KDM2A: variants seen among roughly 807,000 people sequenced by gnomAD.
KDM2A encodes the protein lysine demethylase 2A.
A neutral mutation model predicts 137.3 loss-of-function variants in KDM2A; 3 were observed. The ratio of observed to expected loss-of-function variants is 0.02; its 90% confidence interval spans 0.01 to 0.06. The LOEUF (loss-of-function observed/expected upper bound fraction) is 0.06, where lower values mean the gene tolerates loss of function less well. KDM2A is among the 10% of genes least tolerant of loss of function. The probability of loss-of-function intolerance (pLI) is 1.00; values close to 1 mark genes in which losing one functional copy is unlikely to be tolerated. For missense variants in KDM2A, 738 were observed against 1,510.6 expected (o/e 0.49, Z 8.48); for synonymous variants, 512 against 541.5 (o/e 0.95, Z 0.76).
intron 2 of KDM2A, among the ~76,000 whole-genome samples, chr11:67,144,166 A>G (rs1056208255): frequency 3.3e-5 from 5 of 151,528 alleles, no homozygotes; most frequent in Non-Finnish European, 5.9e-5. Flanking sequence ...GCTGGTCTCA[A>G]ACTCCTGATG....
At position 67,256,834 on chromosome 11, in the gene KDM2A, T is replaced by A. The variant is rs1859630869; in HGVS notation, c.*1779T>A. The stretch of plus-strand genomic sequence containing the variant: ...TTTGTTTCTTCCAATCTGCTGAATC[T>A]TTTGACTGCACCTTACAAACAGCAG... On this transcript the variant is annotated 3_prime_UTR_variant, in exon 21 of 21. Transcript: ENST00000529006. 6.5e-6 allele frequency: 1 copy of A among 152,812 alleles called. No homozygotes were observed. Among genetic ancestry groups the A allele is most frequent in the South Asian group, 2.1e-4 (1 of 4,828 alleles). 9.5% of individuals were successfully genotyped at this position (152,812 alleles called of 1,614,324 possible).
Position 67,245,031 on chromosome 11 carries a change from G to T in KDM2A, c.1564-158G>T. 1.0e-5 allele frequency: 7 copies of T among 697,762 alleles called. No homozygotes were observed. The highest frequency in any genetic ancestry group is 1.8e-5 in the South Asian group (1 of 56,018). The allele number at this position is 697,762 out of a possible 1,614,324, so 43.2% of individuals were successfully genotyped here. A position where few individuals can be genotyped will look rare whatever the true frequency, so the allele number is the denominator to read the frequency against. On this transcript the variant is annotated intron_variant, in intron 13 of 20. Transcript: ENST00000529006. This position sits in a 1 kb window ranked among gnomAD's most constrained non-coding sequence, Gnocchi z 4.1. The stretch of plus-strand genomic sequence containing the variant: ...GCCATTGATAATACATACACAAGAT[G>T]AGTTGTGTGTCAATAAAATTTATTC...
chr11:67,199,996 G>T (rs1264940287), intron 5 of KDM2A, among the ~76,000 whole-genome samples: 2 of 152,114 alleles, frequency 1.3e-5, no homozygotes, highest in African/African-American at 4.8e-5. Context: ...AAATCCTAGG[G>T]CCCTTAAGAA....
rs909061908 is a variant in KDM2A at position 67,254,231 on chromosome 11, C to T, written c.3120C>T (p.Asn1040=). The change falls in exon 20 of 21, where the codon AAC becomes AAT. Residue 1040 remains asparagine, a synonymous_variant. Transcript: ENST00000529006. This position sits in a 1 kb window ranked among gnomAD's most constrained non-coding sequence, Gnocchi z 4.7. ...PGQDNRSKLR[N]MTDFRLAGLD... is the part of the protein sequence containing the mutation. ...AGGACAATCGCAGCAAGCTCCGGAA[C>T]ATGACCGACTTCCGGCTGGCAGGCC... 6.2e-7 allele frequency: 1 copy of T among 1,613,916 alleles called. No homozygotes were observed. The highest frequency in any genetic ancestry group is 8.5e-7 in the Non-Finnish European group (1 of 1,179,902).
At position 67,202,775 on chromosome 11, in the gene KDM2A, C is replaced by CA. The variant is rs891639478; in HGVS notation, c.308-4723dup. Reference sequence around the variant, plus strand: ...TGGGCGACAGAGCGAGACTTCGTCTCAAAAAAAAAAAAGAAAAGAAATTGT... The same window carrying CA: ...TGGGCGACAGAGCGAGACTTCGTCTCAAAAAAAAAAAAAGAAAAGAAATTGT... On this transcript the variant is annotated intron_variant, in intron 5 of 20. Transcript: ENST00000529006. Among the ~76,000 whole-genome samples, 1,237 of 128,528 alleles carry CA rather than the reference C, an allele frequency of 9.6e-3. 3 individuals carry two copies. The highest frequency in any genetic ancestry group is 0.028 in the African/African-American group (972 of 35,054). The allele number at this position is 128,528 out of a possible 152,430, so 84.3% of individuals were successfully genotyped here.
chr11:67,212,293 G>A (rs1213580304), intron 6 of KDM2A, among the ~76,000 whole-genome samples: 1 of 152,114 alleles, frequency 6.6e-6, no homozygotes, highest in Non-Finnish European at 1.5e-5. Flanking sequence ...CCAGAATTAC[G>A]GGCAGAAGGA....
intron 12 of KDM2A, among the ~76,000 whole-genome samples, chr11:67,239,731 G>A (rs1178215585): frequency 6.6e-6 from 1 of 152,242 alleles, no homozygotes; most frequent in Non-Finnish European, 1.5e-5. Flanking sequence ...GGTGTGGACT[G>A]AAACAAGGAC....
At chr11:67,196,728 G>A (rs960842914) in intron 5 of KDM2A, 6 of 292,518 alleles carry the variant, frequency 2.1e-5, no homozygotes, top group African/African-American at 1.1e-4. Context: ...GGGCAATGGG[G>A]ACTTAAAACG....
chr11:67,178,490 G>C (rs184874278), intron 2 of KDM2A, among the ~76,000 whole-genome samples: 4 of 152,240 alleles, frequency 2.6e-5, no homozygotes, highest in South Asian at 4.1e-4. Context: ...TCTAATTCCA[G>C]AACATTTTCA....
intron 2 of KDM2A, among the ~76,000 whole-genome samples, chr11:67,150,115 C>A (rs906093675): frequency 1.3e-5 from 2 of 152,148 alleles, no homozygotes; most frequent in Non-Finnish European, 2.9e-5. Context: ...TTACAGAATT[C>A]TTTACAACCC....
chr11:67,242,356 T>C (rs1286367243), intron 12 of KDM2A, among the ~76,000 whole-genome samples: 5 of 152,026 alleles, frequency 3.3e-5, no homozygotes, highest in Non-Finnish European at 7.4e-5. Context: ...GTAATCAGCC[T>C]TAGAAGAAAA....
chr11:67,160,639 C>T (rs1405677954), intron 2 of KDM2A, among the ~76,000 whole-genome samples: 8 of 152,078 alleles, frequency 5.3e-5, no homozygotes, highest in Non-Finnish European at 1.0e-4. Context: ...GGTGTAGTGG[C>T]GCATACCTAT....
chr11:67,212,661 T>C (rs1378232916), intron 6 of KDM2A, among the ~76,000 whole-genome samples: 2 of 152,028 alleles, frequency 1.3e-5, no homozygotes, highest in Non-Finnish European at 2.9e-5. Context: ...AGCACGAACA[T>C]GTTACCACAA....
intron 12 of KDM2A, 69 bp downstream of exon 12, chr11:67,232,029 G>A: frequency 6.8e-7 from 1 of 1,472,008 alleles, no homozygotes; most frequent in Non-Finnish European, 9.1e-7. Flanking sequence ...GATTCAGAGG[G>A]AGAAAATATA....
At chr11:67,142,567 G>C (rs1409571214) in intron 2 of KDM2A, among the ~76,000 whole-genome samples, 1 of 121,078 alleles carries the variant, frequency 8.3e-6, no homozygotes, top group African/African-American at 3.0e-5. Flanking sequence ...GGGGGTTGGG[G>C]TTGGGGTTGG....
intron 5 of KDM2A, among the ~76,000 whole-genome samples, chr11:67,187,533 AATTT>A (rs1169183234): frequency 2.0e-5 from 3 of 150,580 alleles, no homozygotes; most frequent in African/African-American, 2.5e-5. Context: ...GACATTTATT[AATTT>A]ATTTAATTGA....
chr11:67,167,106 G>A (rs117044492), intron 2 of KDM2A, among the ~76,000 whole-genome samples: 4,038 of 152,166 alleles, frequency 0.027, 90 homozygotes, highest in Non-Finnish European at 0.038. Context: ...TTAATATTGC[G>A]AGTTACTGCT....
chr11:67,145,015 C>G (rs1856210796), intron 2 of KDM2A, among the ~76,000 whole-genome samples: 1 of 150,820 alleles, frequency 6.6e-6, no homozygotes, highest in African/African-American at 2.4e-5. Context: ...GTGTAGAGGC[C>G]CCCACCATCA....
rs1451149342 is a variant in KDM2A, at chr11:67,119,877, A to G, written c.-256A>G. The G allele has an allele frequency of 6.6e-6, 1 of 152,094 alleles. No individual in the cohort carries two copies. Among genetic ancestry groups the G allele is most frequent in the African/African-American group, 2.4e-5 (1 of 41,444 alleles). 9.4% of individuals were successfully genotyped at this position (152,094 alleles called of 1,614,324 possible). On this transcript the variant is annotated 5_prime_UTR_variant, in exon 1 of 21. Transcript: ENST00000529006. Reference sequence around the variant, plus strand: ...GACTCCCGGTCTCCAAAGCCAGAAGAGAAGGTTTGATTCAGCAACTGTTTG... The same window carrying G: ...GACTCCCGGTCTCCAAAGCCAGAAGGGAAGGTTTGATTCAGCAACTGTTTG...
Sources: gnomAD v4.1 joint callset for allele counts (sites outside exome capture counted in the v4.1 genomes callset) on GRCh38, gnomAD v4.1.1 for gene constraint, Gnocchi (gnomAD v3.1) non-coding constraint, MANE v1.5 for transcripts, NCBI Gene and HGNC (gene_info 2026-07-23, HGNC 2026-07-21) for gene names.